The following ADGRD1 variants were observed in gnomAD, a reference collection of about 807,000 sequenced individuals.
ADGRD1 encodes the protein G-protein coupled receptor 133.
Under a neutral mutation model 113.4 loss-of-function variants are expected in ADGRD1, and 77 were observed. The ratio of observed to expected loss-of-function variants is 0.68; its 90% confidence interval spans 0.57 to 0.82. The LOEUF (loss-of-function observed/expected upper bound fraction) is 0.82. ADGRD1 is among the 40% of genes least tolerant of loss of function. ADGRD1 has a pLI of 0.00. For synonymous variants in ADGRD1, 474 were observed against 475.0 expected (o/e 1.00, Z 0.03); for missense variants, 1,036 against 1,139.1 (o/e 0.91, Z 1.30).
chr12:130,997,188 A>AC (rs36044466), intron 8 of ADGRD1, among the ~76,000 whole-genome samples: 4,820 of 20,808 alleles, frequency 0.23, 1,068 homozygotes, highest in Non-Finnish European at 0.28. Flanking sequence ...CGGGGGGCTG[A>AC]CCCCCCCCCC....
chr12:130,995,949 A>C (rs12303507), intron 8 of ADGRD1, among the ~76,000 whole-genome samples: 2 of 149,332 alleles, frequency 1.3e-5, no homozygotes, highest in East Asian at 3.9e-4. Flanking sequence ...TGTGTCCCTG[A>C]TTACTTGAGA....
At chr12:130,973,298 C>T (rs1871913742) in intron 4 of ADGRD1, 1 of 152,262 alleles carries the variant, frequency 6.6e-6, no homozygotes, top group Non-Finnish European at 1.5e-5. Flanking sequence ...GGATCTTGGG[C>T]AACCACTGCT....
chr12:131,128,543 G>A (rs144326819), intron 20 of ADGRD1, among the ~76,000 whole-genome samples: 4,879 of 152,236 alleles, frequency 0.032, 103 homozygotes, highest in Admixed American at 0.043. Flanking sequence ...TAAAGAATCT[G>A]ATTTATGAAA....
rs1054577307 is a variant in ADGRD1 at position 131,088,526 on chromosome 12, G to C, written c.1671+3863G>C. On this transcript the variant is annotated intron_variant, in intron 15 of 24. Transcript: ENST00000261654. The stretch of plus-strand genomic sequence containing the variant: ...GGATTTTACATCTCAGGGTGGAGAG[G>C]ATGGAGCCTCCCGGCCCTGAGCAAG... Among the ~76,000 whole-genome samples the C allele has an allele frequency of 2.0e-5, 3 of 152,306 alleles. No individual in the cohort carries two copies. The East Asian group carries it at 5.8e-4, about 30-fold the overall frequency.
At chr12:131,017,777 C>G (rs1025470618) in intron 13 of ADGRD1, among the ~76,000 whole-genome samples, 11 of 151,160 alleles carry the variant, frequency 7.3e-5, no homozygotes, top group African/African-American at 2.4e-4. Flanking sequence ...CTCACACACT[C>G]AGTACACACA....
At position 131,104,854 on chromosome 12, in the gene ADGRD1, G is replaced by A. The variant is rs957168986; in HGVS notation, c.1695G>A (p.Ala565=). The change falls in exon 16 of 25, where the codon GCG becomes GCA. Residue 565 remains alanine (A), a synonymous_variant. Transcript: ENST00000261654. ...AGCTTGCACGCGGACACCAGGTGGC[G>A]CTGTCGTCTATCAGCTATGTGGGCT... ...PLELARGHQV[A]LSSISYVGCS... 1.6e-5 allele frequency: 25 copies of A among 1,549,388 alleles called. No homozygotes were observed. The highest frequency in any genetic ancestry group is 3.3e-4 in the Middle Eastern group (2 of 5,986).
chr12:131,124,738 C>T (rs61936986), intron 20 of ADGRD1, among the ~76,000 whole-genome samples: 11 of 122,416 alleles, frequency 9.0e-5, no homozygotes, highest in East Asian at 1.9e-4. Flanking sequence ...GAATTGTTCT[C>T]GGCTCTAACA....
intron 4 of ADGRD1, among the ~76,000 whole-genome samples, chr12:130,973,984 G>C (rs1223460998): frequency 6.6e-6 from 1 of 152,184 alleles, no homozygotes; most frequent in Non-Finnish European, 1.5e-5. Context: ...ACGCTGGCTC[G>C]GTGAGAGGCT....
chr12:131,101,010 T>C, intron 15 of ADGRD1, among the ~76,000 whole-genome samples: 1 of 152,230 alleles, frequency 6.6e-6, no homozygotes, highest in East Asian at 1.9e-4. Flanking sequence ...TTGTTCCCAG[T>C]ACTGCTCACT....
chr12:131,096,703 A>G lies in ADGRD1; in HGVS notation c.1672-8128A>G, dbSNP rs1299826090. Among the ~76,000 whole-genome samples the G allele has an allele frequency of 6.6e-6, 1 of 151,910 alleles. No individual in the cohort carries two copies. Among genetic ancestry groups the G allele is most frequent in the Non-Finnish European group, 1.5e-5 (1 of 67,986 alleles). On this transcript the variant is annotated intron_variant, in intron 15 of 24. Transcript: ENST00000261654. The surrounding 1 kb of genome is among the most constrained non-coding windows in gnomAD (Gnocchi z 5.2). ...CGGTCCAGTTTTATATCCCGCCTCC[A>G]TCTGTGAGGATGGGTTCCCGTGGGG...
intron 13 of ADGRD1, among the ~76,000 whole-genome samples, chr12:131,032,448 C>T (rs941633964): frequency 6.6e-6 from 1 of 151,730 alleles, no homozygotes; most frequent in African/African-American, 2.4e-5. Context: ...CCTCCGCTGA[C>T]ACGTCCCCCA....
intron 15 of ADGRD1, among the ~76,000 whole-genome samples, chr12:131,086,466 CAGA>C (rs1234791932): frequency 9.2e-5 from 14 of 152,240 alleles, no homozygotes; most frequent in Non-Finnish European, 1.5e-4. Flanking sequence ...CGCTCCCTAA[CAGA>C]AACCACCAGC....
intron 13 of ADGRD1, among the ~76,000 whole-genome samples, chr12:131,054,483 C>T (rs993847034): frequency 2.6e-5 from 4 of 152,196 alleles, no homozygotes; most frequent in Admixed American, 6.5e-5. Flanking sequence ...ACTGGACTAG[C>T]GAGCCAAGAC....
rs1469435320 is a variant in ADGRD1 at position 131,113,348 on chromosome 12, G to T, written c.2041+4471G>T. Among the ~76,000 whole-genome samples the T allele has an allele frequency of 6.6e-6, 1 of 152,070 alleles. No individual in the cohort carries two copies. Among genetic ancestry groups the T allele is most frequent in the Non-Finnish European group, 1.5e-5 (1 of 68,024 alleles). On this transcript the variant is annotated intron_variant, in intron 18 of 24. Coordinates refer to ENST00000261654, the MANE Select transcript of ADGRD1 (RefSeq NM_198827.5). This position sits in a 1 kb window ranked among gnomAD's most constrained non-coding sequence, Gnocchi z 4.9. ...TGTCATTCTAGAAGTCAGCTCCCCA[G>T]TGATGTGGCTTCTTTGCTGAGCTTT...
chr12:131,038,076 A>G (rs1881727297), intron 13 of ADGRD1, among the ~76,000 whole-genome samples: 1 of 151,160 alleles, frequency 6.6e-6, no homozygotes, highest in African/African-American at 2.4e-5. Context: ...TCACTACACC[A>G]GTTCTCACTG....
intron 15 of ADGRD1, among the ~76,000 whole-genome samples, chr12:131,091,135 G>C (rs2137251519): frequency 6.6e-6 from 1 of 152,104 alleles, no homozygotes; most frequent in East Asian, 1.9e-4. Context: ...GATCCAGTAA[G>C]AACCCAGAGA....
chr12:131,065,826 T>G (rs561220670), intron 13 of ADGRD1, among the ~76,000 whole-genome samples: 2 of 152,336 alleles, frequency 1.3e-5, no homozygotes, highest in African/African-American at 2.4e-5. Context: ...TGTTGTGACT[T>G]GCTTACCACA....
At position 131,040,763 on chromosome 12, in the gene ADGRD1, G is replaced by A. The variant is rs757766220; in HGVS notation, c.1473+26423G>A. 4.6e-5 allele frequency among the ~76,000 whole-genome samples: 7 copies of A among 152,256 alleles called. No individual in the cohort carries two copies. The East Asian group carries it at 5.8e-4, about 13-fold the overall frequency. On this transcript the variant is annotated intron_variant, in intron 13 of 24. Transcript: ENST00000261654. ...GGCTGCTGGCTGCCAGATCGCATGC[G>A]ACAGTCATTTGGGAAACGGCAGGCT...
intron 12 of ADGRD1, among the ~76,000 whole-genome samples, chr12:131,008,574 A>C (rs958111202): frequency 3.3e-5 from 5 of 152,176 alleles, no homozygotes; most frequent in Non-Finnish European, 5.9e-5. Flanking sequence ...GGCTCCTGTG[A>C]TGACGGAGGG....
Sources: gnomAD v4.1 joint callset for allele counts (sites outside exome capture counted in the v4.1 genomes callset) on GRCh38, gnomAD v4.1.1 for gene constraint, Gnocchi (gnomAD v3.1) non-coding constraint, MANE v1.5 for transcripts, NCBI Gene and HGNC (gene_info 2026-07-23, HGNC 2026-07-21) for gene names.